Variants in TBC1D22B observed in about 807,000 individuals in gnomAD.
The protein encoded by TBC1D22B is chromosome 6 open reading frame 197.
In TBC1D22B, 32 loss-of-function variants were observed where a neutral mutation model predicts 69.1. The ratio of observed to expected loss-of-function variants is 0.46; its 90% CI spans 0.35 to 0.62. The LOEUF is 0.62. Among genes scored for constraint, TBC1D22B ranks in the 20% least tolerant of loss-of-function variants. The pLI is 0.00. For synonymous variants in TBC1D22B, 206 were observed against 229.8 expected (o/e 0.90, Z 0.94); for missense variants, 462 against 630.9 (o/e 0.73, Z 2.87).
At chr6:37,319,339 G>A (rs898964268) in intron 12 of TBC1D22B, among the ~76,000 whole-genome samples, 5 of 152,186 alleles carry the variant, frequency 3.3e-5, no homozygotes, top group African/African-American at 1.2e-4. Context: ...AGGTGGAGCC[G>A]GATAGTAAGA....
chr6:37,324,137 C>T (rs950619285), intron 12 of TBC1D22B: 3 of 362,526 alleles, frequency 8.3e-6, no homozygotes, highest in African/African-American at 6.4e-5. Context: ...CTTGAATACA[C>T]TATACATTTG....
chr6:37,258,952 C>T (rs1368802283), intron 1 of TBC1D22B, among the ~76,000 whole-genome samples: 3 of 78,024 alleles, frequency 3.8e-5, no homozygotes, highest in Non-Finnish European at 7.1e-5. Context: ...CTTTTGAACT[C>T]GTGACTTTTT....
At chr6:37,330,240 T>C in intron 12 of TBC1D22B, among the ~76,000 whole-genome samples, 1 of 129,106 alleles carries the variant, frequency 7.7e-6, no homozygotes, top group East Asian at 2.3e-4. Context: ...TTTTTTTTTT[T>C]TTTTTTTTTT....
intron 12 of TBC1D22B, among the ~76,000 whole-genome samples, chr6:37,330,255 T>TTTG (rs1768545843): frequency 1.4e-5 from 1 of 69,330 alleles, no homozygotes; most frequent in Admixed American, 1.7e-4. Flanking sequence ...TTTTTTTTTT[T>TTTG]TTGAGACAGA....
chr6:37,286,505 C>G (rs1767010717), intron 6 of TBC1D22B, among the ~76,000 whole-genome samples: 1 of 151,720 alleles, frequency 6.6e-6, no homozygotes, highest in Non-Finnish European at 1.5e-5. Flanking sequence ...TTAGTAGAGA[C>G]AGGGTTTCAC....
At chr6:37,280,457 A>G (rs1766789469) in intron 3 of TBC1D22B, among the ~76,000 whole-genome samples, 1 of 152,224 alleles carries the variant, frequency 6.6e-6, no homozygotes, top group African/African-American at 2.4e-5. Flanking sequence ...GGTCTTTGCA[A>G]TCATTGCACA....
chr6:37,264,190 C>T (rs968173804), intron 1 of TBC1D22B, among the ~76,000 whole-genome samples: 1 of 151,848 alleles, frequency 6.6e-6, no homozygotes, highest in Non-Finnish European at 1.5e-5. Flanking sequence ...CAAAATCATA[C>T]ATTATTTAGG....
At chr6:37,258,053 G>C in intron 1 of TBC1D22B, 80 bp downstream of exon 1, 9 of 1,516,630 alleles carry the variant, frequency 5.9e-6, no homozygotes, top group Non-Finnish European at 8.0e-6. Context: ...GCGGGCCTGG[G>C]GCGCCACAGA....
At chr6:37,267,504 A>C (rs200385625) in intron 1 of TBC1D22B, among the ~76,000 whole-genome samples, 1 of 2,282 alleles carries the variant, frequency 4.4e-4, no homozygotes. Flanking sequence ...TATATACACT[A>C]TATATATAAT....
intron 9 of TBC1D22B, among the ~76,000 whole-genome samples, chr6:37,313,502 A>G (rs1473028753): frequency 6.6e-6 from 1 of 151,762 alleles, no homozygotes; most frequent in Non-Finnish European, 1.5e-5. Context: ...AAAAAAAAAA[A>G]ACAAAACAGT....
intron 10 of TBC1D22B, among the ~76,000 whole-genome samples, chr6:37,315,818 G>T (rs1030851500): frequency 3.3e-5 from 5 of 152,042 alleles, no homozygotes; most frequent in South Asian, 4.2e-4. Flanking sequence ...TCAACACTCC[G>T]CCCACCTCGG....
At chr6:37,317,556 T>G (rs1768118257) in intron 12 of TBC1D22B, among the ~76,000 whole-genome samples, 1 of 152,194 alleles carries the variant, frequency 6.6e-6, no homozygotes, top group African/African-American at 2.4e-5. Context: ...GTCTCTGTTC[T>G]CATAAAGCTT....
At chr6:37,327,004 C>T (rs1768425186) in intron 12 of TBC1D22B, among the ~76,000 whole-genome samples, 1 of 151,990 alleles carries the variant, frequency 6.6e-6, no homozygotes, top group South Asian at 2.1e-4. Context: ...AAGTGGTCTA[C>T]CTGAGGAGAA....
intron 8 of TBC1D22B, among the ~76,000 whole-genome samples, chr6:37,305,187 A>G (rs575969144): frequency 6.6e-6 from 1 of 152,340 alleles, no homozygotes; most frequent in South Asian, 2.1e-4. Flanking sequence ...GACTCTTTGC[A>G]TCAGCTTTGC....
intron 1 of TBC1D22B, 71 bp downstream of exon 1, chr6:37,258,044 C>A: frequency 1.3e-6 from 2 of 1,543,070 alleles, no homozygotes; most frequent in Admixed American, 1.9e-5. Context: ...CTGAATCCCG[C>A]GGGCCTGGGG....
At chr6:37,298,788 G>A (rs200201450) in intron 8 of TBC1D22B, among the ~76,000 whole-genome samples, 17 of 151,858 alleles carry the variant, frequency 1.1e-4, no homozygotes, top group African/African-American at 1.7e-4. Context: ...CTCGTGATCC[G>A]CCCACCTCGG....
At chr6:37,269,710 T>G in intron 2 of TBC1D22B, 60 bp downstream of exon 2, 2 of 1,526,416 alleles carry the variant, frequency 1.3e-6, no homozygotes, top group Non-Finnish European at 1.8e-6. Flanking sequence ...CCCTCCCCTA[T>G]TTTGTTGAAA....
chr6:37,284,571 T>C (rs1766946673), intron 6 of TBC1D22B, 107 bp downstream of exon 6: 2 of 1,269,670 alleles, frequency 1.6e-6, no homozygotes, highest in Non-Finnish European at 2.1e-6. Context: ...GGCTGTGGTA[T>C]ATTGGTTAGG....
chr6:37,283,440 C>T (rs1025078330), intron 5 of TBC1D22B, among the ~76,000 whole-genome samples: 1 of 152,214 alleles, frequency 6.6e-6, no homozygotes, highest in African/African-American at 2.4e-5. Flanking sequence ...AAAATTCATT[C>T]ATTCATCTAG....
Sources: allele counts gnomAD v4.1 joint callset (sites outside exome capture counted in the v4.1 genomes callset), GRCh38; gene constraint gnomAD v4.1.1; transcripts MANE v1.5; gene names NCBI Gene and HGNC (gene_info 2026-07-23, HGNC 2026-07-21).